Variants in DZIP1L observed in about 807,000 individuals in gnomAD.
DZIP1L encodes cilium assembly protein DZIP1L.
Under a neutral mutation model 88.7 loss-of-function variants are expected in DZIP1L, and 90 were observed. The ratio of observed to expected loss-of-function variants is 1.02; its 90% CI spans 0.86 to 1.21. DZIP1L has a LOEUF of 1.21. Among genes scored for constraint, DZIP1L ranks in the 50% most tolerant of loss-of-function variants. DZIP1L has a pLI of 0.00. For synonymous variants in DZIP1L, 363 were observed against 372.1 expected (o/e 0.98, Z 0.28); for missense variants, 932 against 955.8 (o/e 0.98, Z 0.33).
intron 1 of DZIP1L, among the ~76,000 whole-genome samples, chr3:138,107,182 GT>G (rs1282352543): frequency 6.6e-6 from 1 of 152,204 alleles, no homozygotes. Context: ...AAGGTCATAT[GT>G]TGAAAACTCA....
At chr3:138,107,560 A>G (rs765653913) in intron 1 of DZIP1L, among the ~76,000 whole-genome samples, 1 of 152,212 alleles carries the variant, frequency 6.6e-6, no homozygotes, top group Non-Finnish European at 1.5e-5. Context: ...AAAACAGGAG[A>G]CCAGATTTGA....
intron 3 of DZIP1L, 67 bp from the exon 4 acceptor site, chr3:138,095,050 C>A: frequency 6.2e-7 from 1 of 1,607,364 alleles, no homozygotes; most frequent in Non-Finnish European, 8.5e-7. Context: ...TAGTTTCTCA[C>A]CTTGTCAATC....
chr3:138,088,620 C>A, intron 5 of DZIP1L, 113 bp from the exon 6 acceptor site: 1 of 1,422,352 alleles, frequency 7.0e-7, no homozygotes. Flanking sequence ...CCTCCCAACT[C>A]ATCCTCACTA....
rs576282825 is a variant in DZIP1L at position 138,067,480 on chromosome 3, G to A, written c.2002+51C>T. On this transcript the variant is annotated intron_variant, in intron 14 of 15. Transcript: ENST00000327532. ...GGAGCCTTGAGAAATCTGGGCTGGA[G>A]AAGGGCTACACCGGTGGTCCCAGCC... 4.6e-6 allele frequency: 7 copies of A among 1,514,582 alleles called. No individual in the cohort carries two copies. In the African/African-American group the frequency reaches 8.7e-5, roughly 19 times the overall value. The allele number at this position is 1,514,582 out of a possible 1,614,324, so 93.8% of individuals were successfully genotyped here. A position where few individuals can be genotyped will look rare whatever the true frequency, so the allele number is the denominator to read the frequency against.
chr3:138,109,415 C>T (rs2042579670), intron 1 of DZIP1L, among the ~76,000 whole-genome samples: 1 of 152,184 alleles, frequency 6.6e-6, no homozygotes, highest in Non-Finnish European at 1.5e-5. Context: ...TCTATGCTGC[C>T]TCTTGGTATA....
intron 15 of DZIP1L, chr3:138,064,427 T>G (rs553544306): frequency 6.6e-7 from 1 of 1,525,256 alleles, no homozygotes; most frequent in South Asian, 1.3e-5. Flanking sequence ...AAAAGGCTTT[T>G]TAATGTTAAC....
intron 14 of DZIP1L, among the ~76,000 whole-genome samples, chr3:138,065,690 A>C (rs972052623): frequency 5.9e-5 from 9 of 152,232 alleles, no homozygotes; most frequent in Non-Finnish European, 1.2e-4. Flanking sequence ...AGTACTGCAG[A>C]GTCTATTAAG....
At chr3:138,089,851 A>T (rs1203351934) in intron 5 of DZIP1L, among the ~76,000 whole-genome samples, 2 of 152,178 alleles carry the variant, frequency 1.3e-5, no homozygotes, top group Non-Finnish European at 2.9e-5. Context: ...AAAGGTTTTT[A>T]AAAAAGAGTA....
At position 138,062,547 on chromosome 3, in the gene DZIP1L, G is replaced by A. The variant is rs866868521; in HGVS notation, c.*269C>T. On this transcript the variant is annotated 3_prime_UTR_variant, in exon 16 of 16. Transcript: ENST00000327532. ...GTCTTGGGGGGATGTGGAGGTAGAG[G>A]AAGAAAACTACCTGGAGGTTCTATT... 2.6e-6 allele frequency: 1 copy of A among 377,366 alleles called. No individual in the cohort carries two copies. The highest frequency in any genetic ancestry group is 2.0e-5 in the African/African-American group (1 of 50,570). The allele number at this position is 377,366 out of a possible 1,614,324, so 23.4% of individuals were successfully genotyped here. A position where few individuals can be genotyped will look rare whatever the true frequency, so the allele number is the denominator to read the frequency against.
At chr3:138,069,139 C>A in intron 12 of DZIP1L, 1 of 692,686 alleles carries the variant, frequency 1.4e-6, no homozygotes, top group Non-Finnish European at 2.6e-6. Flanking sequence ...CAAGAGCAAC[C>A]CCTCCTCTTC....
chr3:138,113,991 GTCCTATCTTCCCAGAT>G (rs1192608475), intron 1 of DZIP1L, among the ~76,000 whole-genome samples: 2 of 148,826 alleles, frequency 1.3e-5, no homozygotes, highest in East Asian at 3.8e-4. Context: ...ATACTGACAT[GTCCTATCTTCCCAGAT>G]GCAGAATTGT....
chr3:138,072,115 G>A (rs1436240901), intron 11 of DZIP1L, among the ~76,000 whole-genome samples: 1 of 152,202 alleles, frequency 6.6e-6, no homozygotes, highest in Non-Finnish European at 1.5e-5. Flanking sequence ...CATAGCATAA[G>A]GGACTTCGTT....
chr3:138,108,680 T>C (rs1232757581), intron 1 of DZIP1L, among the ~76,000 whole-genome samples: 2 of 152,178 alleles, frequency 1.3e-5, no homozygotes, highest in African/African-American at 2.4e-5. Context: ...CTCTAGCCCC[T>C]CGGTCTCTTG....
chr3:138,107,154 G>T (rs1387851629), intron 1 of DZIP1L, among the ~76,000 whole-genome samples: 6 of 152,198 alleles, frequency 3.9e-5, no homozygotes, highest in African/African-American at 1.4e-4. Flanking sequence ...TTCTGGAGTG[G>T]TTCAGTGGCA....
chr3:138,068,437 A>G (rs1559823937), intron 12 of DZIP1L, 70 bp from the exon 13 acceptor site: 3 of 1,232,606 alleles, frequency 2.4e-6, no homozygotes, highest in Non-Finnish European at 3.3e-6. Flanking sequence ...AGGAGGGAGA[A>G]AGTGGCTCCA....
chr3:138,081,234 G>A (rs565828343), intron 9 of DZIP1L, among the ~76,000 whole-genome samples: 10 of 152,214 alleles, frequency 6.6e-5, no homozygotes, highest in South Asian at 4.1e-4. Context: ...GTGGGTTGCC[G>A]TCTACCTTTA....
intron 10 of DZIP1L, 85 bp from the exon 11 acceptor site, chr3:138,077,717 C>G: frequency 6.4e-7 from 1 of 1,560,846 alleles, no homozygotes; most frequent in South Asian, 1.2e-5. Context: ...CGAGCCCTCA[C>G]ACTGCCAGGA....
rs961966496 is a variant in DZIP1L, at chr3:138,088,229, A to C, written c.999+150T>G. 2.1e-5 allele frequency: 24 copies of C among 1,155,730 alleles called. No individual in the cohort carries two copies. In the African/African-American group the frequency reaches 3.2e-4, roughly 16 times the overall value. 71.6% of individuals were successfully genotyped at this position (1,155,730 alleles called of 1,614,324 possible). A position where few individuals can be genotyped will look rare whatever the true frequency, so the allele number is the denominator to read the frequency against. On this transcript the variant is annotated intron_variant, in intron 6 of 15. Transcript: ENST00000327532. ...ACCACCAGCCTCACCTGAGAACCCTATTCTATGCTTTCATGTACTGGCAGA... is the reference window on the plus strand; with the variant it reads ...ACCACCAGCCTCACCTGAGAACCCTCTTCTATGCTTTCATGTACTGGCAGA...
chr3:138,092,921 AT>A (rs1395845213), intron 4 of DZIP1L, among the ~76,000 whole-genome samples: 1 of 152,172 alleles, frequency 6.6e-6, no homozygotes, highest in Non-Finnish European at 1.5e-5. Context: ...GAAGTCTTGA[AT>A]CCCTCAAAGT....
Sources: gnomAD v4.1 joint callset for allele counts (sites outside exome capture counted in the v4.1 genomes callset) on GRCh38, gnomAD v4.1.1 for gene constraint, MANE v1.5 for transcripts, NCBI Gene and HGNC (gene_info 2026-07-23, HGNC 2026-07-21) for gene names.